The following SGPP2 variants were observed in gnomAD, a reference collection of about 807,000 sequenced individuals.
SGPP2 encodes sphingosine-1-phosphate phosphatase 2.
SGPP2 carries 30 observed loss-of-function variants against 33.9 expected under a neutral mutation model. The ratio of observed to expected loss-of-function variants is 0.89; its 90% CI spans 0.66 to 1.20. The LOEUF (loss-of-function observed/expected upper bound fraction) is 1.20, where lower values mean the gene tolerates loss of function less well. Among genes scored for constraint, SGPP2 ranks in the 50% most tolerant of loss-of-function variants. The probability of loss-of-function intolerance (pLI) is 0.00; values close to 1 mark genes in which losing one functional copy is unlikely to be tolerated. For missense variants in SGPP2, 458 were observed against 532.1 expected, an observed-to-expected ratio of 0.86 and a Z score of 1.37; for synonymous variants, 233 against 225.0, an observed-to-expected ratio of 1.04 and a Z score of -0.32.
chr2:222,484,595 G>C (rs1171757665), intron 2 of SGPP2, among the ~76,000 whole-genome samples: 1 of 152,146 alleles, frequency 6.6e-6, no homozygotes, highest in Non-Finnish European at 1.5e-5. Context: ...TATGCCAGCT[G>C]TAATGTCTTA....
At chr2:222,542,287 C>A (rs1221113543) in intron 4 of SGPP2, among the ~76,000 whole-genome samples, 1 of 152,192 alleles carries the variant, frequency 6.6e-6, no homozygotes, top group Non-Finnish European at 1.5e-5. Flanking sequence ...TAACTCATGA[C>A]CATATACCAC....
chr2:222,461,439 A>T (rs140127416), intron 1 of SGPP2, among the ~76,000 whole-genome samples: 3 of 152,260 alleles, frequency 2.0e-5, no homozygotes, highest in African/African-American at 4.8e-5. Context: ...CGGACTGGGC[A>T]GGTGGGGGGA....
At chr2:222,467,276 T>G (rs1350025313) in intron 1 of SGPP2, among the ~76,000 whole-genome samples, 1 of 148,664 alleles carries the variant, frequency 6.7e-6, no homozygotes, top group Non-Finnish European at 1.5e-5. Context: ...ATATTACAAT[T>G]GAGAAGTTCT....
At chr2:222,534,545 C>G (rs914806163) in intron 4 of SGPP2, among the ~76,000 whole-genome samples, 1 of 152,076 alleles carries the variant, frequency 6.6e-6, no homozygotes, top group African/African-American at 2.4e-5. Context: ...GCAGACCATA[C>G]AAAACTGTGT....
intron 2 of SGPP2, among the ~76,000 whole-genome samples, chr2:222,499,487 GA>G (rs530337031): frequency 1.7e-4 from 26 of 152,306 alleles, no homozygotes; most frequent in African/African-American, 6.0e-4. Flanking sequence ...TGGCTGTTTA[GA>G]AGGAGAGTCA....
At chr2:222,452,488 A>G (rs1697506691) in intron 1 of SGPP2, 1 of 861,410 alleles carries the variant, frequency 1.2e-6, no homozygotes, top group Non-Finnish European at 2.0e-6. Context: ...TGTCTGCTTT[A>G]TTACGTTATG....
intron 2 of SGPP2, among the ~76,000 whole-genome samples, chr2:222,500,735 G>T (rs1431746149): frequency 6.6e-6 from 1 of 152,184 alleles, no homozygotes; most frequent in Non-Finnish European, 1.5e-5. Context: ...CTGTGATTAT[G>T]GCTCCCATAA....
At chr2:222,469,137 A>G (rs186671196) in intron 1 of SGPP2, among the ~76,000 whole-genome samples, 219 of 152,340 alleles carry the variant, frequency 1.4e-3, no homozygotes, top group African/African-American at 4.9e-3. Context: ...TTTGTCAGAC[A>G]CTTCTTCATT....
At chr2:222,515,584 C>T (rs532574497) in intron 2 of SGPP2, among the ~76,000 whole-genome samples, 81 of 152,016 alleles carry the variant, frequency 5.3e-4, no homozygotes, top group African/African-American at 1.8e-3. Flanking sequence ...CTGCCTTGGC[C>T]TCCCAAAGTG....
chr2:222,509,931 T>G (rs1698500905), intron 2 of SGPP2, among the ~76,000 whole-genome samples: 1 of 152,356 alleles, frequency 6.6e-6, no homozygotes, highest in Non-Finnish European at 1.5e-5. Flanking sequence ...TAATTTACTT[T>G]CTATCTCTAT....
intron 2 of SGPP2, among the ~76,000 whole-genome samples, chr2:222,493,926 A>G (rs1205122832): frequency 2.6e-5 from 4 of 152,202 alleles, no homozygotes. Flanking sequence ...TGACCTTCTG[A>G]GAGAGAATAG....
intron 1 of SGPP2, among the ~76,000 whole-genome samples, chr2:222,442,786 T>C (rs1233146185): frequency 4.6e-5 from 7 of 152,224 alleles, no homozygotes; most frequent in Admixed American, 6.5e-5. Context: ...CACTCTAATA[T>C]AATGGTGTAA....
At chr2:222,524,873 C>A in intron 3 of SGPP2, 71 bp from the exon 4 acceptor site, 1 of 1,200,372 alleles carries the variant, frequency 8.3e-7, no homozygotes, top group Non-Finnish European at 1.2e-6. Flanking sequence ...AATCCTATTC[C>A]CACCTATGAC....
At chr2:222,473,899 G>A (rs556342643) in intron 1 of SGPP2, among the ~76,000 whole-genome samples, 12 of 141,028 alleles carry the variant, frequency 8.5e-5, no homozygotes, top group African/African-American at 3.1e-4. Context: ...ACTCCAGCCT[G>A]GGCAACAAGA....
rs1169695621 is a variant in SGPP2 at position 222,460,782 on chromosome 2, T to C, written c.220-13786T>C. ...CGGTGCCTCACAGCTTCCATGCCTC[T>C]CCTCTTGCTGTTCCTTTCTGCTGGA... On this transcript the variant is annotated intron_variant, in intron 1 of 4. Coordinates refer to ENST00000321276, the MANE Select transcript of SGPP2 (RefSeq NM_152386.4). This position sits in a 1 kb window ranked among gnomAD's most constrained non-coding sequence, Gnocchi z 4.3. Among the ~76,000 whole-genome samples the C allele has an allele frequency of 2.0e-5, 3 of 149,670 alleles. No individual in the cohort carries two copies. The highest frequency in any genetic ancestry group is 7.4e-5 in the African/African-American group (3 of 40,630).
At position 222,465,714 on chromosome 2, in the gene SGPP2, C is replaced by T. The variant is rs1361217825; in HGVS notation, c.220-8854C>T. Reference sequence around the variant, plus strand: ...TAAAACCCTCCCATGGCTTTCTGCTCCTTCCAGCCTCAGTCTCAAGTCTGG... The same window carrying T: ...TAAAACCCTCCCATGGCTTTCTGCTTCTTCCAGCCTCAGTCTCAAGTCTGG... On this transcript the variant is annotated intron_variant, in intron 1 of 4. Coordinates refer to ENST00000321276, the MANE Select transcript of SGPP2 (RefSeq NM_152386.4). This position sits in a 1 kb window ranked among gnomAD's most constrained non-coding sequence, Gnocchi z 4.1. Among the ~76,000 whole-genome samples, 2 of 152,224 alleles carry T rather than the reference C, an allele frequency of 1.3e-5. No individual in the cohort carries two copies. The highest frequency in any genetic ancestry group is 4.8e-5 in the African/African-American group (2 of 41,466).
At chr2:222,537,932 C>T (rs1200306364) in intron 4 of SGPP2, among the ~76,000 whole-genome samples, 1 of 152,160 alleles carries the variant, frequency 6.6e-6, no homozygotes, top group Non-Finnish European at 1.5e-5. Flanking sequence ...AACCTGATGT[C>T]CTTCAACTGG....
At chr2:222,511,897 T>G (rs1216868709) in intron 2 of SGPP2, among the ~76,000 whole-genome samples, 1 of 152,172 alleles carries the variant, frequency 6.6e-6, no homozygotes, top group African/African-American at 2.4e-5. Flanking sequence ...CAGGCTGGTC[T>G]CAAACTCCTG....
chr2:222,499,285 G>A (rs1438700766), intron 2 of SGPP2, among the ~76,000 whole-genome samples: 1 of 152,236 alleles, frequency 6.6e-6, no homozygotes, highest in East Asian at 1.9e-4. Flanking sequence ...TTTGAGAGGT[G>A]TTGATGGTGT....
Sources: allele counts gnomAD v4.1 joint callset (sites outside exome capture counted in the v4.1 genomes callset), GRCh38; gene constraint gnomAD v4.1.1; non-coding constraint Gnocchi (gnomAD v3.1); transcripts MANE v1.5; gene names NCBI Gene and HGNC (gene_info 2026-07-23, HGNC 2026-07-21).